The following LAMA2 variants were observed in gnomAD, a reference collection of about 807,000 sequenced individuals.
The protein encoded by LAMA2 is laminin subunit alpha-2.
A neutral mutation model predicts 364.8 loss-of-function variants in LAMA2; 269 were observed. The ratio of observed to expected loss-of-function variants is 0.74; its 90% CI spans 0.67 to 0.82. The LOEUF (loss-of-function observed/expected upper bound fraction) is 0.82, where lower values mean the gene tolerates loss of function less well. Among genes scored for constraint, LAMA2 ranks in the 40% least tolerant of loss-of-function variants. LAMA2 has a pLI of 0.00. For missense variants in LAMA2, 3,807 were observed against 3,873.2 expected (o/e 0.98, Z 0.45); for synonymous variants, 1,379 against 1,370.6 (o/e 1.01, Z -0.14).
chr6:129,115,453 GA>G (rs1776421720), intron 4 of LAMA2, among the ~76,000 whole-genome samples: 1 of 152,010 alleles, frequency 6.6e-6, no homozygotes, highest in Non-Finnish European at 1.5e-5. Flanking sequence ...GATGCATATA[GA>G]ATACTTCTGT....
chr6:129,220,932 A>T (rs265347), intron 12 of LAMA2, among the ~76,000 whole-genome samples: 7 of 152,092 alleles, frequency 4.6e-5, no homozygotes, highest in African/African-American at 7.3e-5. Flanking sequence ...GAGGCCGAGG[A>T]GGGTGGATCA....
intron 3 of LAMA2, among the ~76,000 whole-genome samples, chr6:129,096,017 G>A (rs978519093): frequency 5.9e-5 from 9 of 152,074 alleles, no homozygotes; most frequent in African/African-American, 2.2e-4. Flanking sequence ...ACCTTGTCAG[G>A]AATACTTTGG....
At chr6:129,329,907 G>A (rs143087027) in intron 29 of LAMA2, among the ~76,000 whole-genome samples, 2 of 152,198 alleles carry the variant, frequency 1.3e-5, no homozygotes, top group African/African-American at 4.8e-5. Context: ...CCTCATTCCT[G>A]GTATTACTGT....
At chr6:128,958,757 G>A (rs1781299730) in intron 1 of LAMA2, among the ~76,000 whole-genome samples, 1 of 152,088 alleles carries the variant, frequency 6.6e-6, no homozygotes, top group South Asian at 2.1e-4. Context: ...AAATAATACA[G>A]AAAAGCTCAT....
At chr6:128,917,813 G>T (rs1778438151) in intron 1 of LAMA2, among the ~76,000 whole-genome samples, 1 of 132,034 alleles carries the variant, frequency 7.6e-6, no homozygotes, top group African/African-American at 2.9e-5. Flanking sequence ...GGCTTATTGT[G>T]CCCTTGACAT....
At chr6:128,911,271 G>A (rs1002295451) in intron 1 of LAMA2, among the ~76,000 whole-genome samples, 3 of 152,138 alleles carry the variant, frequency 2.0e-5, no homozygotes, top group Non-Finnish European at 2.9e-5. Flanking sequence ...TCAGACTGCT[G>A]TGCTAGCAAT....
At chr6:129,163,113 T>C (rs1342765509) in intron 8 of LAMA2, among the ~76,000 whole-genome samples, 1 of 152,312 alleles carries the variant, frequency 6.6e-6, no homozygotes, top group Non-Finnish European at 1.5e-5. Flanking sequence ...TTTTTTATTT[T>C]TACTTATTTT....
Position 129,486,494 on chromosome 6 carries a change from C to T in LAMA2, c.7770C>T (p.Leu2590=), listed in dbSNP as rs1784591250. 1 of 1,613,778 alleles carries T rather than the reference C, an allele frequency of 6.2e-7. No individual in the cohort carries two copies. Among genetic ancestry groups the T allele is most frequent in the Non-Finnish European group, 8.5e-7 (1 of 1,179,782 alleles). Reference sequence around the variant, plus strand: ...TGCAGGCCTATTATGCAATACTCCTCAACAGGGGCCGTCTGGAAGTGCATC... The same window carrying T: ...TGCAGGCCTATTATGCAATACTCCTTAACAGGGGCCGTCTGGAAGTGCATC... ...QTGQAYYAIL[L]NRGRLEVHLS... is the part of the protein sequence containing the mutation. Residue 2590 remains leucine (L), a synonymous_variant, in exon 56 of 65, where the codon CTC becomes CTT. Transcript: ENST00000421865.
chr6:128,955,358 T>C (rs1224002190), intron 1 of LAMA2, among the ~76,000 whole-genome samples: 3 of 151,958 alleles, frequency 2.0e-5, no homozygotes, highest in Non-Finnish European at 2.9e-5. Context: ...GTATCTTTAC[T>C]GGGGCCACAC....
intron 18 of LAMA2, among the ~76,000 whole-genome samples, chr6:129,285,570 A>C (rs1038523065): frequency 6.6e-6 from 1 of 152,160 alleles, no homozygotes; most frequent in African/African-American, 2.4e-5. Flanking sequence ...TGAGCTGAAA[A>C]TAATAGGTTT....
intron 4 of LAMA2, among the ~76,000 whole-genome samples, chr6:129,116,219 A>C (rs1298373688): frequency 1.3e-5 from 2 of 152,194 alleles, no homozygotes; most frequent in East Asian, 3.8e-4. Flanking sequence ...AGAAATCACC[A>C]TAATAAAATA....
intron 12 of LAMA2, among the ~76,000 whole-genome samples, chr6:129,249,667 C>A (rs1786031733): frequency 6.6e-6 from 1 of 152,114 alleles, no homozygotes; most frequent in Non-Finnish European, 1.5e-5. Context: ...ATGTAAAGTG[C>A]CTGTCAAATG....
chr6:129,158,918 G>A (rs1779293863), intron 8 of LAMA2: 1 of 1,603,166 alleles, frequency 6.2e-7, no homozygotes, highest in Non-Finnish European at 8.5e-7. Flanking sequence ...AGCATCATCT[G>A]GGCAGTGCCC....
intron 4 of LAMA2, among the ~76,000 whole-genome samples, chr6:129,131,205 C>T (rs1308338137): frequency 6.6e-6 from 1 of 152,094 alleles, no homozygotes; most frequent in African/African-American, 2.4e-5. Flanking sequence ...TTCTTTTTAC[C>T]TTTCATTCAT....
At chr6:129,035,413 T>G (rs1441232377) in intron 1 of LAMA2, among the ~76,000 whole-genome samples, 3 of 151,772 alleles carry the variant, frequency 2.0e-5, no homozygotes, top group Non-Finnish European at 2.9e-5. Context: ...ATTAGTCATT[T>G]GTCAGATGCA....
intron 60 of LAMA2, 59 bp from the exon 61 acceptor site, chr6:129,505,141 A>T: frequency 1.4e-6 from 2 of 1,442,240 alleles, no homozygotes; most frequent in Non-Finnish European, 2.0e-6. Context: ...TATGTCTTAT[A>T]CTCTGCATAT....
intron 19 of LAMA2, among the ~76,000 whole-genome samples, chr6:129,291,204 T>TA (rs1562422625): frequency 6.6e-6 from 1 of 152,194 alleles, no homozygotes; most frequent in Non-Finnish European, 1.5e-5. Context: ...GATGTATCTG[T>TA]AAAGAACTAA....
chr6:129,474,159 G>T (rs1180696098), intron 52 of LAMA2, among the ~76,000 whole-genome samples: 3 of 151,972 alleles, frequency 2.0e-5, no homozygotes, highest in African/African-American at 4.8e-5. Flanking sequence ...TTTTTAAAGG[G>T]TATAAAAGTT....
At chr6:129,107,335 T>C (rs1277110727) in intron 4 of LAMA2, among the ~76,000 whole-genome samples, 1 of 152,134 alleles carries the variant, frequency 6.6e-6, no homozygotes, top group Non-Finnish European at 1.5e-5. Flanking sequence ...TTCTCAAGGT[T>C]CAGTAGCTAA....
Sources: allele counts gnomAD v4.1 joint callset (sites outside exome capture counted in the v4.1 genomes callset), GRCh38; gene constraint gnomAD v4.1.1; transcripts MANE v1.5; gene names NCBI Gene and HGNC (gene_info 2026-07-23, HGNC 2026-07-21).